The following PLEKHA5 variants were observed in gnomAD, a reference collection of about 807,000 sequenced individuals.
The protein encoded by PLEKHA5 is pleckstrin homology domain-containing family A member 5.
Under a neutral mutation model 181.9 loss-of-function variants are expected in PLEKHA5, and 55 were observed. The ratio of observed to expected loss-of-function variants is 0.30; its 90% confidence interval spans 0.24 to 0.38. PLEKHA5 has a LOEUF of 0.38. PLEKHA5 is among the 10% of genes least tolerant of loss of function. The pLI, the probability that PLEKHA5 is intolerant of heterozygous loss-of-function variation, is 1.00. For synonymous variants in PLEKHA5, 535 were observed against 529.4 expected, an observed-to-expected ratio of 1.01 and a Z score of -0.15; for missense variants, 1,432 against 1,549.5, an observed-to-expected ratio of 0.92 and a Z score of 1.27.
chr12:19,221,685 A>G (rs1350182734), intron 3 of PLEKHA5, among the ~76,000 whole-genome samples: 1 of 152,204 alleles, frequency 6.6e-6, no homozygotes, highest in African/African-American at 2.4e-5. Context: ...AAAGGAGCCT[A>G]TTACAAATGT....
At chr12:19,224,424 T>G (rs1653464256) in intron 3 of PLEKHA5, among the ~76,000 whole-genome samples, 1 of 152,174 alleles carries the variant, frequency 6.6e-6, no homozygotes, top group Non-Finnish European at 1.5e-5. Flanking sequence ...TTAACTTCTT[T>G]TCCCACTCAC....
rs148106169 is a variant in PLEKHA5, at chr12:19,283,005, G to A, written c.1314-275G>A. Reference sequence around the variant, plus strand: ...GAGGTCAGGAATTCAAGATCAGCCGGGCATGGTGGTGGATGCCTGTAATCC... The same window carrying A: ...GAGGTCAGGAATTCAAGATCAGCCGAGCATGGTGGTGGATGCCTGTAATCC... On this transcript the variant is annotated intron_variant, in intron 11 of 31. Coordinates refer to ENST00000429027, the MANE Select transcript of PLEKHA5 (RefSeq NM_001256470.2). 9.5e-3 allele frequency among the ~76,000 whole-genome samples: 1,440 copies of A among 151,844 alleles called. 14 individuals carry two copies. The highest frequency in any genetic ancestry group is 0.014 in the Non-Finnish European group (964 of 67,924).
intron 3 of PLEKHA5, among the ~76,000 whole-genome samples, chr12:19,197,540 C>CA (rs2053121702): frequency 1.3e-5 from 2 of 152,114 alleles, no homozygotes; most frequent in Non-Finnish European, 2.9e-5. Flanking sequence ...TAATGTACTA[C>CA]ATCGTTTATT....
chr12:19,255,143 A>C lies in PLEKHA5; in HGVS notation c.410A>C (p.His137Pro). Residue 137 changes from histidine to proline, a missense_variant, in exon 5 of 32, where the codon CAT becomes CCT. By Grantham distance (77) the His-to-Pro change is moderately conservative (BLOSUM62 -2). This residue lies in a region of PLEKHA5 where 289 missense variants were observed against 381.1 expected (regional missense o/e 0.76). Coordinates refer to ENST00000429027, the MANE Select transcript of PLEKHA5 (RefSeq NM_001256470.2). Reference protein sequence around the residue: ...NYNVTSDYAVHPMSPVGRTSR... With the variant: ...NYNVTSDYAVPPMSPVGRTSR... ...AACGTGACTTCAGATTATGCAGTGC[A>C]TCCAATGAGCCCTGTAGGCAGAGTA... The C allele has an allele frequency of 4.4e-6, 7 of 1,604,664 alleles. No homozygotes were observed. Among genetic ancestry groups the C allele is most frequent in the Non-Finnish European group, 6.0e-6 (7 of 1,173,476 alleles).
chr12:19,179,641 C>A (rs2048097749), intron 3 of PLEKHA5, among the ~76,000 whole-genome samples: 1 of 152,106 alleles, frequency 6.6e-6, no homozygotes, highest in South Asian at 2.1e-4. Flanking sequence ...GCCTGGGCAA[C>A]AGGAGATAAA....
chr12:19,230,661 G>A (rs866114190), intron 3 of PLEKHA5, among the ~76,000 whole-genome samples: 26 of 152,134 alleles, frequency 1.7e-4, no homozygotes, highest in Admixed American at 1.4e-3. Context: ...AGTGCGGCCC[G>A]CGGAGCCTGT....
rs889943556 is a variant in PLEKHA5 at position 19,372,326 on chromosome 12, CATT to C, written c.*11+2529_*11+2531del. The C allele has an allele frequency of 5.9e-5, 9 of 152,058 alleles. No individual in the cohort carries two copies. The South Asian group carries it at 6.2e-4, about 11-fold the overall frequency. 9.4% of individuals were successfully genotyped at this position (152,058 alleles called of 1,614,324 possible). ...TTCTTGCAGGAATAAGGAGGCATCTCATTGTTGTGTACCTTCTTTTGAGAAATG... is the reference window on the plus strand; with the variant it reads ...TTCTTGCAGGAATAAGGAGGCATCTCGTTGTGTACCTTCTTTTGAGAAATG... On this transcript the variant is annotated intron_variant, in intron 31 of 31. Coordinates refer to ENST00000429027, the MANE Select transcript of PLEKHA5 (RefSeq NM_001256470.2).
chr12:19,367,179 C>A (rs1043809440), intron 30 of PLEKHA5, among the ~76,000 whole-genome samples: 1 of 151,756 alleles, frequency 6.6e-6, no homozygotes, highest in African/African-American at 2.4e-5. Flanking sequence ...AGCCACCATG[C>A]CCGGCCCTTT....
At chr12:19,267,692 G>C (rs1375391052) in intron 8 of PLEKHA5, among the ~76,000 whole-genome samples, 2 of 143,746 alleles carry the variant, frequency 1.4e-5, no homozygotes, top group South Asian at 4.5e-4. Context: ...AGCCAGGCAC[G>C]GTGGCTCATG....
intron 27 of PLEKHA5, 73 bp downstream of exon 27, chr12:19,358,510 A>G: frequency 1.0e-6 from 1 of 955,028 alleles, no homozygotes; most frequent in East Asian, 2.5e-5. Context: ...GAGTTACATG[A>G]TTGATAGGTC....
intron 21 of PLEKHA5, 108 bp downstream of exon 21, chr12:19,336,724 T>C: frequency 1.6e-6 from 1 of 629,308 alleles, no homozygotes; most frequent in Non-Finnish European, 2.8e-6. Context: ...CATTATTGGC[T>C]ACCTGAGACC....
At chr12:19,364,895 C>T (rs1376956911) in intron 29 of PLEKHA5, among the ~76,000 whole-genome samples, 3 of 152,078 alleles carry the variant, frequency 2.0e-5, no homozygotes, top group Admixed American at 6.6e-5. Context: ...GAACTCCTGA[C>T]CTCATGATCC....
intron 16 of PLEKHA5, among the ~76,000 whole-genome samples, chr12:19,316,093 G>GGAATAAGTATTATTCC (rs1300760124): frequency 2.6e-5 from 4 of 151,796 alleles, no homozygotes; most frequent in African/African-American, 9.7e-5. Flanking sequence ...GAGAGTATTT[G>GGAATAAGTATTATTCC]GAATAAGTAT....
intron 3 of PLEKHA5, among the ~76,000 whole-genome samples, chr12:19,199,957 C>T (rs958619090): frequency 3.3e-5 from 5 of 151,650 alleles, no homozygotes; most frequent in South Asian, 2.1e-4. Flanking sequence ...TCATGGAGGT[C>T]GACAGTGGAA....
chr12:19,158,728 T>C lies in PLEKHA5; in HGVS notation c.227+26278T>C, dbSNP rs1485976912. Among the ~76,000 whole-genome samples the C allele has an allele frequency of 2.6e-5, 4 of 152,180 alleles. No homozygotes were observed. The East Asian group carries it at 7.7e-4, about 29-fold the overall frequency. ...TGGAGTTTTTGAAGTTTGTGTAGTT[T>C]TGAAGTTTTGAGAACAGACCTGTTT... On this transcript the variant is annotated intron_variant, in intron 3 of 31. Transcript: ENST00000429027.
At chr12:19,319,342 G>A (rs1011926705) in intron 16 of PLEKHA5, among the ~76,000 whole-genome samples, 1 of 151,936 alleles carries the variant, frequency 6.6e-6, no homozygotes, top group Non-Finnish European at 1.5e-5. Context: ...TATAAATCCA[G>A]GATTTATTGT....
At chr12:19,173,116 T>C (rs1013860717) in intron 3 of PLEKHA5, among the ~76,000 whole-genome samples, 5 of 139,414 alleles carry the variant, frequency 3.6e-5, no homozygotes, top group African/African-American at 1.0e-4. Context: ...CTCCACTTCC[T>C]GGGTTCACGC....
intron 3 of PLEKHA5, among the ~76,000 whole-genome samples, chr12:19,192,648 T>C (rs1022536993): frequency 5.9e-5 from 9 of 152,154 alleles, no homozygotes; most frequent in East Asian, 1.9e-4. Flanking sequence ...AGCGGTTTCA[T>C]TGAGCCCAGA....
intron 3 of PLEKHA5, among the ~76,000 whole-genome samples, chr12:19,211,725 C>A (rs1015324154): frequency 3.9e-5 from 6 of 152,058 alleles, no homozygotes; most frequent in African/African-American, 1.4e-4. Flanking sequence ...GAGACCTCAT[C>A]CTATAAAACA....
Sources: gnomAD v4.1 joint callset for allele counts (sites outside exome capture counted in the v4.1 genomes callset) on GRCh38, gnomAD v4.1.1 for gene constraint, gnomAD v4.1.1 regional missense constraint, MANE v1.5 for transcripts, NCBI Gene and HGNC (gene_info 2026-07-23, HGNC 2026-07-21) for gene names.